UBR2: variants seen among roughly 807,000 people sequenced by gnomAD.
UBR2 encodes E3 ubiquitin-protein ligase UBR2.
In UBR2, 92 loss-of-function variants were observed where a neutral mutation model predicts 247.9. The ratio of observed to expected loss-of-function variants is 0.37; its 90% CI spans 0.31 to 0.44. UBR2 has a LOEUF of 0.44. UBR2 is among the 20% of genes least tolerant of loss of function. The pLI is 1.00. For synonymous variants in UBR2, 672 were observed against 693.5 expected, an observed-to-expected ratio of 0.97 and a Z score of 0.49; for missense variants, 1,613 against 2,112.6, an observed-to-expected ratio of 0.76 and a Z score of 4.64.
At chr6:42,614,364 G>GTA (rs1475311889) in intron 8 of UBR2, among the ~76,000 whole-genome samples, 11 of 111,816 alleles carry the variant, frequency 9.8e-5, no homozygotes, top group Non-Finnish European at 1.7e-4. Context: ...GTGTATATAT[G>GTA]TGTGTATGTG....
intron 23 of UBR2, among the ~76,000 whole-genome samples, chr6:42,651,735 C>T (rs1163309667): frequency 1.3e-5 from 2 of 152,080 alleles, no homozygotes; most frequent in Non-Finnish European, 2.9e-5. Context: ...AGGTGATCCA[C>T]CTGTCTTGGC....
At position 42,588,314 on chromosome 6, in the gene UBR2, C is replaced by T. The variant is rs144188629; in HGVS notation, c.339-3837C>T. Among the ~76,000 whole-genome samples the T allele has an allele frequency of 1.2e-4, 19 of 152,356 alleles. No homozygotes were observed. The East Asian group carries it at 1.7e-3, about 14-fold the overall frequency. On this transcript the variant is annotated intron_variant, in intron 2 of 46. Transcript: ENST00000372901. ...CCATGCCCTCTCTGGGCATGCCACC[C>T]TCCTAACACCTCAGTCCCAGGGTGA...
chr6:42,678,173 A>G lies in UBR2; in HGVS notation c.4479-366A>G, dbSNP rs1407348436. ...AACACAGCGAAACCCCGTCTCTACTAAAAATACAAAAAATTAGCCGGGCGT... is the reference window on the plus strand; with the variant it reads ...AACACAGCGAAACCCCGTCTCTACTGAAAATACAAAAAATTAGCCGGGCGT... On this transcript the variant is annotated intron_variant, in intron 40 of 46. Coordinates refer to ENST00000372901, the MANE Select transcript of UBR2 (RefSeq NM_001363705.2). 5.3e-5 allele frequency among the ~76,000 whole-genome samples: 8 copies of G among 152,350 alleles called. No individual in the cohort carries two copies. The East Asian group carries it at 1.3e-3, about 26-fold the overall frequency.
intron 34 of UBR2, among the ~76,000 whole-genome samples, chr6:42,667,162 C>G (rs1016408785): frequency 2.0e-5 from 3 of 151,948 alleles, no homozygotes; most frequent in African/African-American, 7.3e-5. Context: ...ATGATGAAAC[C>G]CTGTCTCTAC....
intron 21 of UBR2, among the ~76,000 whole-genome samples, chr6:42,646,807 TTATATATA>T (rs369889480): frequency 6.7e-5 from 10 of 148,528 alleles, no homozygotes; most frequent in African/African-American, 1.5e-4. Flanking sequence ...ATATATATGT[TTATATATA>T]TATATAGAGA....
intron 11 of UBR2, among the ~76,000 whole-genome samples, chr6:42,618,591 A>G (rs1023399303): frequency 6.6e-6 from 1 of 152,178 alleles, no homozygotes; most frequent in African/African-American, 2.4e-5. Context: ...AAAACATGAG[A>G]AGGCATTAAA....
At chr6:42,645,046 A>G (rs1426258145) in intron 20 of UBR2, among the ~76,000 whole-genome samples, 1 of 152,096 alleles carries the variant, frequency 6.6e-6, no homozygotes, top group Non-Finnish European at 1.5e-5. Flanking sequence ...TAGAGCAGAG[A>G]ATCCTGGCTA....
chr6:42,641,599 C>T lies in UBR2; in HGVS notation c.1938C>T (p.Pro646=). Reference sequence around the variant, plus strand: ...ATATATAGAGTGAACTTAGCCCACCCATGTTGATAGAACACCCTCTTAGAT... The same window carrying T: ...ATATATAGAGTGAACTTAGCCCACCTATGTTGATAGAACACCCTCTTAGAT... ...ELLPLSELSP[P]MLIEHPLRCL... Residue 646 remains proline, a synonymous_variant, in exon 17 of 47, where the codon CCC becomes CCT. Transcript: ENST00000372901. 1 of 1,594,590 alleles carries T rather than the reference C, an allele frequency of 6.3e-7. No homozygotes were observed. Among genetic ancestry groups the T allele is most frequent in the Non-Finnish European group, 8.5e-7 (1 of 1,174,094 alleles).
At chr6:42,601,194 T>C (rs993646723) in intron 4 of UBR2, among the ~76,000 whole-genome samples, 2 of 152,178 alleles carry the variant, frequency 1.3e-5, no homozygotes, top group South Asian at 4.1e-4. Context: ...GGTGAGATAA[T>C]AGTACCAGGA....
intron 11 of UBR2, 112 bp from the exon 12 acceptor site, chr6:42,632,440 G>C: frequency 2.2e-6 from 2 of 902,376 alleles, no homozygotes; most frequent in Non-Finnish European, 3.2e-6. Flanking sequence ...ATATATAGTT[G>C]TGTTGAAAAA....
intron 11 of UBR2, among the ~76,000 whole-genome samples, 168 bp downstream of exon 11, chr6:42,617,675 CA>C (rs1258892384): frequency 6.6e-6 from 1 of 152,154 alleles, no homozygotes; most frequent in Non-Finnish European, 1.5e-5. Flanking sequence ...CCTTGAATAT[CA>C]AAGTCATCTG....
At chr6:42,673,704 T>C (rs1175374960) in intron 36 of UBR2, 87 bp from the exon 37 acceptor site, 10 of 863,578 alleles carry the variant, frequency 1.2e-5, no homozygotes, top group Non-Finnish European at 1.9e-5. Context: ...AGTTTCATTG[T>C]GCATCCAGCT....
chr6:42,609,607 A>G (rs755024793), intron 7 of UBR2, among the ~76,000 whole-genome samples: 8 of 152,110 alleles, frequency 5.3e-5, no homozygotes, highest in Non-Finnish European at 8.8e-5. Flanking sequence ...AGTGTTGGCC[A>G]AGCACATCGG....
chr6:42,578,676 A>G (rs1791676159), intron 2 of UBR2, among the ~76,000 whole-genome samples: 1 of 152,084 alleles, frequency 6.6e-6, no homozygotes, highest in South Asian at 2.1e-4. Flanking sequence ...GGGTGCAGAT[A>G]GTTCTAGTTC....
At chr6:42,616,711 G>T (rs1266945093) in intron 10 of UBR2, among the ~76,000 whole-genome samples, 1 of 151,526 alleles carries the variant, frequency 6.6e-6, no homozygotes, top group Non-Finnish European at 1.5e-5. Flanking sequence ...TTAGCAGCAT[G>T]TGCATAAGCT....
chr6:42,592,556 A>G (rs1246425441), intron 3 of UBR2, among the ~76,000 whole-genome samples: 1 of 152,156 alleles, frequency 6.6e-6, no homozygotes, highest in Non-Finnish European at 1.5e-5. Flanking sequence ...AGCACCTACG[A>G]CCCACCAGTT....
rs139469474 is a variant in UBR2, at chr6:42,675,165, G to A, written c.4252-891G>A. ...AGAGCAATATATTCCTAATAAATGC[G>A]GCTATTACTGTTCTCATTGCTGCAA... On this transcript the variant is annotated intron_variant, in intron 38 of 46. Coordinates refer to ENST00000372901, the MANE Select transcript of UBR2 (RefSeq NM_001363705.2). Among the ~76,000 whole-genome samples the A allele has an allele frequency of 3.1e-3, 472 of 152,252 alleles. 7 individuals carry two copies. Among genetic ancestry groups the A allele is most frequent in the Admixed American group, 0.017 (261 of 15,278 alleles).
intron 21 of UBR2, among the ~76,000 whole-genome samples, chr6:42,646,807 T>TTATATATATA (rs369889480): frequency 1.3e-5 from 2 of 148,468 alleles, no homozygotes; most frequent in African/African-American, 5.0e-5. Flanking sequence ...ATATATATGT[T>TTATATATATA]TATATATATA....
At position 42,692,252 on chromosome 6, in the gene UBR2, G is replaced by C. The variant is rs1799787355; in HGVS notation, c.*1079G>C. 6.6e-6 allele frequency: 1 copy of C among 152,086 alleles called. No homozygotes were observed. Among genetic ancestry groups the C allele is most frequent in the South Asian group, 2.1e-4 (1 of 4,826 alleles). 9.4% of individuals were successfully genotyped at this position (152,086 alleles called of 1,614,324 possible). A position where few individuals can be genotyped will look rare whatever the true frequency, so the allele number is the denominator to read the frequency against. ...AAATTGGCAGAGTATATCATCTAAA[G>C]CCAAACACTGAAGAAGGTGAGAACC... On this transcript the variant is annotated 3_prime_UTR_variant, in exon 47 of 47. Transcript: ENST00000372901.
Sources: allele counts gnomAD v4.1 joint callset (sites outside exome capture counted in the v4.1 genomes callset), GRCh38; gene constraint gnomAD v4.1.1; transcripts MANE v1.5; gene names NCBI Gene and HGNC (gene_info 2026-07-23, HGNC 2026-07-21).